Variants in TCF20 observed in about 807,000 individuals in gnomAD.
TCF20 encodes the protein SPRE-binding protein.
In TCF20, 3 loss-of-function variants were observed where a neutral mutation model predicts 148.6. That is an observed-to-expected ratio of 0.02 (90% CI 0.01 to 0.05). TCF20 has a LOEUF of 0.05. Among genes scored for constraint, TCF20 ranks in the 10% least tolerant of loss-of-function variants. The pLI, the probability that TCF20 is intolerant of heterozygous loss-of-function variation, is 1.00. For synonymous variants in TCF20, 1,049 were observed against 909.5 expected, an observed-to-expected ratio of 1.15 and a Z score of -2.76; for missense variants, 2,350 against 2,429.3, an observed-to-expected ratio of 0.97 and a Z score of 0.69.
chr22:42,169,759 G>T, intron 4 of TCF20, 88 bp downstream of exon 4: 1 of 1,411,814 alleles, frequency 7.1e-7, no homozygotes, highest in Non-Finnish European at 9.9e-7. Flanking sequence ...GTGTGGGTGA[G>T]GCCCACCAAC....
At chr22:42,285,415 C>T (rs572785690), upstream of TCF20, among the ~76,000 whole-genome samples, 29 of 152,172 alleles carry the variant, frequency 1.9e-4, no homozygotes, top group East Asian at 3.9e-4. The surrounding 1 kb of genome is among the most constrained non-coding windows in gnomAD (Gnocchi z 4.2). Context: ...ATTCCCGCCT[C>T]GGTCCTTGGG....
At position 42,213,935 on chromosome 22, in the gene TCF20, A is replaced by G. The variant is rs766595232; in HGVS notation, c.1371T>C (p.Ser457=). The change falls in exon 2 of 6, where the codon AGT becomes AGC. Residue 457 remains serine (S), a synonymous_variant. Coordinates refer to ENST00000677622, the MANE Select transcript of TCF20 (RefSeq NM_001378418.1). Reference sequence around the variant, plus strand: ...GATTGGCCACTTGAGTACTCAGAGCACTCAAACTACTCAACCCAGGATCTG... The same window carrying G: ...GATTGGCCACTTGAGTACTCAGAGCGCTCAAACTACTCAACCCAGGATCTG... ...RLTDPGLSSL[S]ALSTQVANLP... is the part of the protein sequence containing the mutation. The G allele has an allele frequency of 3.1e-6, 5 of 1,614,150 alleles. No individual in the cohort carries two copies. The Admixed American group carries it at 8.3e-5, about 27-fold the overall frequency.
chr22:42,239,344 C>T (rs1205741038), intron 1 of TCF20, among the ~76,000 whole-genome samples: 3 of 151,630 alleles, frequency 2.0e-5, no homozygotes, highest in African/African-American at 4.9e-5. Flanking sequence ...GGCGTGATGG[C>T]GCATGCCTGT....
intron 1 of TCF20, among the ~76,000 whole-genome samples, chr22:42,325,715 T>C (rs945653844): frequency 1.3e-5 from 2 of 152,090 alleles, no homozygotes; most frequent in Non-Finnish European, 2.9e-5. Flanking sequence ...ACCCTGAGGC[T>C]ACGCAGGACA....
At position 42,243,341 on chromosome 22, in the gene TCF20, G is replaced by A. The variant is rs926268750; in HGVS notation, c.-37+26998C>T. Among the ~76,000 whole-genome samples, 8 of 128,240 alleles carry A rather than the reference G, an allele frequency of 6.2e-5. No homozygotes were observed. In the East Asian group the frequency reaches 7.6e-4, roughly 12 times the overall value. The allele number at this position is 128,240 out of a possible 152,430, so 84.1% of individuals were successfully genotyped here. A position where few individuals can be genotyped will look rare whatever the true frequency, so the allele number is the denominator to read the frequency against. On this transcript the variant is annotated intron_variant, in intron 1 of 5. Coordinates refer to ENST00000677622, the MANE Select transcript of TCF20 (RefSeq NM_001378418.1). ...AAAAAAGTCAGGCATGATGGCTCAC[G>A]CCTGTAATCCCAGCACTTTGGGAGG...
chr22:42,336,042 G>T (rs2147061416), intron 1 of TCF20, among the ~76,000 whole-genome samples: 1 of 152,296 alleles, frequency 6.6e-6, no homozygotes, highest in South Asian at 2.1e-4. Context: ...TGTGACCTTG[G>T]CCCCATTAGC....
In TCF20 at chr22:42,170,551, CAG is replaced by C. The variant is rs1253862257; in HGVS notation, c.5750-657_5750-656del. ...GCTGAGGCAGGAGAATCACTTGAAC[CAG>C]AGAGTCGGAGGTTGCAGTGAGCCGA... On this transcript the variant is annotated intron_variant, in intron 3 of 5. Coordinates refer to ENST00000677622, the MANE Select transcript of TCF20 (RefSeq NM_001378418.1). Among the ~76,000 whole-genome samples, 3 of 137,408 alleles carry C rather than the reference CAG, an allele frequency of 2.2e-5. No individual in the cohort carries two copies. In the East Asian group the frequency reaches 6.7e-4, roughly 31 times the overall value. 90.1% of individuals were successfully genotyped at this position (137,408 alleles called of 152,430 possible).
intron 1 of TCF20, among the ~76,000 whole-genome samples, chr22:42,252,598 G>C (rs1019583668): frequency 1.3e-5 from 2 of 151,932 alleles, no homozygotes; most frequent in Admixed American, 6.6e-5. Flanking sequence ...TTACAGGCAC[G>C]CACCACCATG....
intron 1 of TCF20, among the ~76,000 whole-genome samples, chr22:42,242,543 G>A (rs1486051165): frequency 1.3e-5 from 2 of 152,066 alleles, no homozygotes; most frequent in Admixed American, 6.6e-5. Flanking sequence ...CTCTCAGCAC[G>A]TGAGGAGCTC....
chr22:42,220,596 G>T (rs1464370314), intron 1 of TCF20, among the ~76,000 whole-genome samples: 1 of 152,058 alleles, frequency 6.6e-6, no homozygotes, highest in Non-Finnish European at 1.5e-5. Context: ...GCCTGTGTAA[G>T]GGATATTCCC....
chr22:42,261,904 T>C (rs1227760711), intron 1 of TCF20, among the ~76,000 whole-genome samples: 3 of 152,074 alleles, frequency 2.0e-5, no homozygotes, highest in African/African-American at 7.2e-5. Context: ...GGCAGGAGAA[T>C]CACTTGAACC....
intron 1 of TCF20, among the ~76,000 whole-genome samples, chr22:42,310,303 T>C (rs942598049): frequency 6.6e-6 from 1 of 152,152 alleles, no homozygotes; most frequent in Admixed American, 6.5e-5. Context: ...AAGGGCCTAC[T>C]ATGTGCCAGG....
intron 1 of TCF20, among the ~76,000 whole-genome samples, chr22:42,320,421 C>T (rs753169612): frequency 2.6e-5 from 4 of 152,200 alleles, no homozygotes; most frequent in African/African-American, 7.2e-5. Flanking sequence ...AGGGGCTGGA[C>T]ACCAGCTCCT....
At position 42,213,298 on chromosome 22, in the gene TCF20, C is replaced by A; in HGVS notation, c.2008G>T (p.Asp670Tyr). The change falls in exon 2 of 6, where the codon GAT (aspartate) becomes TAT (tyrosine). Residue 670 changes from aspartate (D) to tyrosine (Y), a missense_variant. By Grantham distance (160) the Asp-to-Tyr change is radical. Transcript: ENST00000677622. ...TCTCCATTATGGTTGGAGTTGTTAT[C>A]GCCATTCTTGTTTCCTTTGCTCCCT... is the stretch of plus-strand genomic sequence containing the variant. ...GGGSKGNKNG[D>Y]NNSNHNGEGN... The A allele has an allele frequency of 6.2e-7, 1 of 1,614,180 alleles. No homozygotes were observed. Among genetic ancestry groups the A allele is most frequent in the Non-Finnish European group, 8.5e-7 (1 of 1,180,038 alleles).
At chr22:42,321,553 A>G (rs1036821512) in intron 1 of TCF20, among the ~76,000 whole-genome samples, 6 of 151,864 alleles carry the variant, frequency 4.0e-5, no homozygotes, top group African/African-American at 1.4e-4. Flanking sequence ...TACCATTATA[A>G]TTCCCTGCTG....
chr22:42,177,950 G>T (rs5758628), intron 3 of TCF20, among the ~76,000 whole-genome samples: 8,957 of 152,130 alleles, frequency 0.059, 749 homozygotes, highest in East Asian at 0.45. Flanking sequence ...CCAGAGAGAC[G>T]AAGCTGTGAT....
At chr22:42,323,918 T>TGGAGGTTATGGTGGTGGAGGTGGTGGC (rs1927793658) in intron 1 of TCF20, among the ~76,000 whole-genome samples, 1 of 105,574 alleles carries the variant, frequency 9.5e-6, no homozygotes. Context: ...GTGGTGGTGA[T>TGGAGGTTATGGTGGTGGAGGTGGTGGC]GGAGGTTATG....
At chr22:42,314,961 G>A (rs1377596646) in intron 1 of TCF20, among the ~76,000 whole-genome samples, 1 of 152,116 alleles carries the variant, frequency 6.6e-6, no homozygotes, top group Non-Finnish European at 1.5e-5. Flanking sequence ...AAAGTCTTCA[G>A]CTCACACCAC....
chr22:42,240,144 G>C (rs539752573), intron 1 of TCF20, among the ~76,000 whole-genome samples: 1 of 152,296 alleles, frequency 6.6e-6, no homozygotes, highest in African/African-American at 2.4e-5. Flanking sequence ...CCACGAGGTA[G>C]GTACAATTAT....
Sources: gnomAD v4.1 joint callset for allele counts (sites outside exome capture counted in the v4.1 genomes callset) on GRCh38, gnomAD v4.1.1 for gene constraint, Gnocchi (gnomAD v3.1) non-coding constraint, MANE v1.5 for transcripts, NCBI Gene and HGNC (gene_info 2026-07-23, HGNC 2026-07-21) for gene names.